Variants in CACNB4 observed in about 807,000 individuals in gnomAD.
CACNB4 encodes voltage-dependent L-type calcium channel subunit beta-4.
A neutral mutation model predicts 71.2 loss-of-function variants in CACNB4; 32 were observed. The observed-to-expected ratio is 0.45, with a 90% CI of 0.34 to 0.60. The LOEUF is 0.60. CACNB4 is among the 20% of genes least tolerant of loss of function. CACNB4 has a pLI of 0.01. For synonymous variants in CACNB4, 231 were observed against 236.9 expected, an observed-to-expected ratio of 0.97 and a Z score of 0.23; for missense variants, 464 against 647.9, an observed-to-expected ratio of 0.72 and a Z score of 3.08.
chr2:151,963,084 G>C (rs769139127), intron 2 of CACNB4, among the ~76,000 whole-genome samples: 2 of 151,904 alleles, frequency 1.3e-5, no homozygotes, highest in Non-Finnish European at 2.9e-5. Context: ...AGGCCAATGC[G>C]GGCAGATCAC....
intron 10 of CACNB4, among the ~76,000 whole-genome samples, chr2:151,856,452 C>A (rs1414742547): frequency 6.6e-6 from 1 of 151,926 alleles, no homozygotes; most frequent in Non-Finnish European, 1.5e-5. Context: ...TATAGGCACA[C>A]GCCACCATGC....
intron 2 of CACNB4, among the ~76,000 whole-genome samples, chr2:151,958,298 C>T (rs1010403962): frequency 2.6e-5 from 4 of 152,292 alleles, no homozygotes; most frequent in African/African-American, 9.6e-5. Context: ...AGGATAGGTA[C>T]AGGCCCGGAA....
intron 2 of CACNB4, among the ~76,000 whole-genome samples, chr2:152,061,452 A>AT (rs1686010121): frequency 6.6e-6 from 1 of 152,176 alleles, no homozygotes; most frequent in Admixed American, 6.6e-5. Flanking sequence ...AAAATAACTC[A>AT]TGTAATCTAT....
At chr2:151,885,935 C>A (rs377286457) in intron 2 of CACNB4, among the ~76,000 whole-genome samples, 6 of 152,126 alleles carry the variant, frequency 3.9e-5, no homozygotes, top group African/African-American at 1.4e-4. Context: ...TGCATAAAAT[C>A]CAGAGTAAGA....
chr2:151,987,615 G>C (rs140464557), intron 2 of CACNB4, among the ~76,000 whole-genome samples: 1 of 152,322 alleles, frequency 6.6e-6, no homozygotes, highest in African/African-American at 2.4e-5. Flanking sequence ...AGCACATATA[G>C]CCAAAAGTGT....
chr2:152,047,736 T>C (rs560499500), intron 2 of CACNB4, among the ~76,000 whole-genome samples: 4 of 152,172 alleles, frequency 2.6e-5, no homozygotes, highest in African/African-American at 7.2e-5. Context: ...CTATCTCTAC[T>C]AAAAATACAA....
At chr2:152,078,033 C>A (rs949533615) in intron 2 of CACNB4, among the ~76,000 whole-genome samples, 1 of 152,048 alleles carries the variant, frequency 6.6e-6, no homozygotes, top group East Asian at 1.9e-4. Flanking sequence ...ACGGCGGTGG[C>A]GCAAGCTGAG....
chr2:152,098,368 CG>C lies in CACNB4; in HGVS notation c.108del (p.Asp37MetfsTer57). Reference sequence around the variant, plus strand: ...AAGCTGGTCGAAGTGGTGCTGCCATCGGATCTTTTCAACCTGCTCCTCCGGG... The same window carrying C: ...AAGCTGGTCGAAGTGGTGCTGCCATCGATCTTTTCAACCTGCTCCTCCGGG... Reference protein sequence around the residue: ...TTTRRSRLKRSDGSTTSTSFI... With the variant: ...TTTRRSRLKRXDGSTTSTSFI... On this transcript the variant is annotated frameshift_variant, in exon 2 of 14. Transcript: ENST00000539935. LOFTEE classifies it high-confidence loss of function. This position sits in a 1 kb window ranked among gnomAD's most constrained non-coding sequence, Gnocchi z 5.3. 6.2e-7 allele frequency: 1 copy of C among 1,613,774 alleles called. No individual in the cohort carries two copies. Among genetic ancestry groups the C allele is most frequent in the Non-Finnish European group, 8.5e-7 (1 of 1,179,692 alleles).
At chr2:151,860,651 C>T in intron 10 of CACNB4, 60 bp downstream of exon 10, 1 of 1,106,756 alleles carries the variant, frequency 9.0e-7, no homozygotes, top group South Asian at 1.2e-5. Context: ...CACAAATGCA[C>T]CATGTGTCAG....
chr2:152,098,969 G>A lies in CACNB4; in HGVS notation c.43C>T (p.Pro15Ser). The change falls in exon 1 of 14, where the codon CCG (proline) becomes TCG (serine). Residue 15 changes from proline (P) to serine (S), a missense_variant. Pro to Ser is a moderately conservative substitution (Grantham distance 74). Coordinates refer to ENST00000539935, the MANE Select transcript of CACNB4 (RefSeq NM_000726.5). The surrounding 1 kb of genome is among the most constrained non-coding windows in gnomAD (Gnocchi z 5.3). The stretch of plus-strand genomic sequence containing the variant: ...GGTACCTGCGAGGTGGGGGAGTGCG[G>A]CCCGTCCGCGGTCCCGTTCTTGGCG... ...SYAKNGTADG[P>S]HSPTSQVARG... The A allele has an allele frequency of 2.0e-6, 3 of 1,529,516 alleles. No individual in the cohort carries two copies. The highest frequency in any genetic ancestry group is 2.6e-6 in the Non-Finnish European group (3 of 1,140,622). The allele number at this position is 1,529,516 out of a possible 1,614,324, so 94.7% of individuals were successfully genotyped here. A position where few individuals can be genotyped will look rare whatever the true frequency, so the allele number is the denominator to read the frequency against.
chr2:152,073,471 G>A (rs1686814059), intron 2 of CACNB4, among the ~76,000 whole-genome samples: 1 of 152,110 alleles, frequency 6.6e-6, no homozygotes, highest in Non-Finnish European at 1.5e-5. Context: ...ATGTTTACAT[G>A]AGAATTTAGC....
At chr2:152,093,889 T>TTTCTCCCC (rs1390030792) in intron 2 of CACNB4, among the ~76,000 whole-genome samples, 1 of 152,184 alleles carries the variant, frequency 6.6e-6, no homozygotes, top group East Asian at 1.9e-4. Flanking sequence ...TAGGAGGCAA[T>TTTCTCCCC]TTCTCCCCAC....
At chr2:152,024,850 G>A (rs1297335201) in intron 2 of CACNB4, among the ~76,000 whole-genome samples, 1 of 152,160 alleles carries the variant, frequency 6.6e-6, no homozygotes, top group East Asian at 1.9e-4. Flanking sequence ...GAGGTCAGGA[G>A]TTCAAGACCA....
At chr2:151,949,875 C>G (rs1367061778) in intron 2 of CACNB4, among the ~76,000 whole-genome samples, 1 of 151,990 alleles carries the variant, frequency 6.6e-6, no homozygotes, top group Non-Finnish European at 1.5e-5. Flanking sequence ...TGGAGAAACT[C>G]TGTTTCTACT....
chr2:151,962,289 A>C (rs1445205442), intron 2 of CACNB4, among the ~76,000 whole-genome samples: 1 of 152,212 alleles, frequency 6.6e-6, no homozygotes, highest in Admixed American at 6.5e-5. Context: ...CTTACTAGCC[A>C]TGGGGGTACA....
intron 12 of CACNB4, among the ~76,000 whole-genome samples, chr2:151,849,834 A>G (rs2099838563): frequency 6.6e-6 from 1 of 152,184 alleles, no homozygotes; most frequent in Non-Finnish European, 1.5e-5. Context: ...AGTAATAGAT[A>G]ACCATAGCTT....
intron 2 of CACNB4, among the ~76,000 whole-genome samples, chr2:151,886,141 G>C (rs12469117): frequency 0.099 from 15,019 of 152,118 alleles, 1,334 homozygotes; most frequent in Admixed American, 0.22. Flanking sequence ...TACAAAAACA[G>C]TTTGGAGTTA....
At chr2:151,964,124 A>T (rs1278796815) in intron 2 of CACNB4, among the ~76,000 whole-genome samples, 1 of 151,596 alleles carries the variant, frequency 6.6e-6, no homozygotes, top group African/African-American at 2.4e-5. Context: ...TGTAGGACTG[A>T]AAAATGAAAA....
intron 2 of CACNB4, among the ~76,000 whole-genome samples, chr2:152,020,931 G>A (rs909928103): frequency 1.3e-5 from 2 of 152,124 alleles, no homozygotes; most frequent in African/African-American, 4.8e-5. Flanking sequence ...AAAATAACTC[G>A]GAAACTACTA....
Sources: allele counts gnomAD v4.1 joint callset (sites outside exome capture counted in the v4.1 genomes callset), GRCh38; gene constraint gnomAD v4.1.1; non-coding constraint Gnocchi (gnomAD v3.1); transcripts MANE v1.5; gene names NCBI Gene and HGNC (gene_info 2026-07-23, HGNC 2026-07-21).